Variants in CATSPERB observed in about 807,000 individuals in gnomAD.
The protein encoded by CATSPERB is cation channel sperm-associated auxiliary subunit beta.
CATSPERB carries 93 observed loss-of-function variants against 128.3 expected under a neutral mutation model. The observed-to-expected ratio is 0.72, with a 90% CI of 0.61 to 0.86. The LOEUF is 0.86. CATSPERB is among the 40% of genes least tolerant of loss of function. The pLI is 0.00. For synonymous variants in CATSPERB, 381 were observed against 448.8 expected, an observed-to-expected ratio of 0.85 and a Z score of 1.91; for missense variants, 1,153 against 1,329.5, an observed-to-expected ratio of 0.87 and a Z score of 2.06.
chr14:91,641,489 T>C (rs569736363), intron 15 of CATSPERB, among the ~76,000 whole-genome samples: 4 of 152,268 alleles, frequency 2.6e-5, no homozygotes, highest in Admixed American at 6.5e-5. Context: ...TGCTTGTTTT[T>C]CTCAGGTTTG....
intron 22 of CATSPERB, among the ~76,000 whole-genome samples, chr14:91,605,836 T>C (rs1363388018): frequency 6.6e-6 from 1 of 152,240 alleles, no homozygotes; most frequent in Non-Finnish European, 1.5e-5. Context: ...TCACTCATAC[T>C]CTGTTTTGTG....
At chr14:91,605,143 A>G in intron 22 of CATSPERB, 2 of 1,329,952 alleles carry the variant, frequency 1.5e-6, no homozygotes, top group Admixed American at 3.4e-5. Flanking sequence ...AAATAAGCAG[A>G]TCCACGGAGG....
intron 19 of CATSPERB, among the ~76,000 whole-genome samples, chr14:91,619,928 C>G (rs1414149044): frequency 6.7e-6 from 1 of 148,584 alleles, no homozygotes; most frequent in Non-Finnish European, 1.5e-5. Flanking sequence ...TAGAGACAGG[C>G]TCTTGCTATA....
intron 23 of CATSPERB, among the ~76,000 whole-genome samples, chr14:91,590,983 A>G (rs1044702088): frequency 6.6e-6 from 1 of 152,000 alleles, no homozygotes; most frequent in Non-Finnish European, 1.5e-5. Context: ...AGTCTGTGTA[A>G]TAACAGTTTC....
chr14:91,671,828 G>A (rs974244069), intron 13 of CATSPERB, among the ~76,000 whole-genome samples: 2 of 151,934 alleles, frequency 1.3e-5, no homozygotes, highest in African/African-American at 2.4e-5. Context: ...TCAGGAGATC[G>A]AGACCACGGT....
At chr14:91,675,278 G>A (rs1163089316) in intron 11 of CATSPERB, among the ~76,000 whole-genome samples, 2 of 152,208 alleles carry the variant, frequency 1.3e-5, no homozygotes, top group African/African-American at 4.8e-5. Context: ...CTGGGGCTCT[G>A]GGCATTTTCC....
chr14:91,710,414 T>C (rs1195421488), intron 5 of CATSPERB: 1 of 152,164 alleles, frequency 6.6e-6, no homozygotes. Flanking sequence ...CTGCATGCCG[T>C]ATATTTTTAA....
chr14:91,679,209 T>C (rs1895240789), intron 11 of CATSPERB, among the ~76,000 whole-genome samples: 1 of 152,188 alleles, frequency 6.6e-6, no homozygotes, highest in Non-Finnish European at 1.5e-5. Flanking sequence ...ATTTCATCTA[T>C]AAAATGTTAA....
At chr14:91,648,853 T>G (rs1894653196) in intron 15 of CATSPERB, among the ~76,000 whole-genome samples, 1 of 152,240 alleles carries the variant, frequency 6.6e-6, no homozygotes, top group Non-Finnish European at 1.5e-5. Context: ...CTGTCTTTAA[T>G]GGAGAAATGT....
chr14:91,712,623 C>T (rs528281536), intron 5 of CATSPERB, among the ~76,000 whole-genome samples: 3 of 152,194 alleles, frequency 2.0e-5, no homozygotes, highest in Admixed American at 1.3e-4. Context: ...GTATGATTAT[C>T]GTATACTTAA....
chr14:91,619,258 T>C (rs1160596970), intron 19 of CATSPERB, among the ~76,000 whole-genome samples: 1 of 152,094 alleles, frequency 6.6e-6, no homozygotes, highest in East Asian at 1.9e-4. Context: ...TAAATAATAT[T>C]GGAACAACTA....
chr14:91,683,632 G>A (rs768648185), intron 11 of CATSPERB, among the ~76,000 whole-genome samples: 10 of 152,192 alleles, frequency 6.6e-5, no homozygotes, highest in Non-Finnish European at 5.9e-5. Context: ...CCTGGCCATC[G>A]TGAAGATGAC....
chr14:91,636,210 A>G, intron 17 of CATSPERB: 1 of 477,926 alleles, frequency 2.1e-6, no homozygotes, highest in Non-Finnish European at 3.7e-6. Context: ...AAAAAATACA[A>G]AACTTAGCCG....
chr14:91,646,749 G>A (rs1345597576), intron 15 of CATSPERB, among the ~76,000 whole-genome samples: 1 of 152,154 alleles, frequency 6.6e-6, no homozygotes, highest in Non-Finnish European at 1.5e-5. Context: ...TGCCTGTCTA[G>A]ACTAATTCAG....
intron 5 of CATSPERB, among the ~76,000 whole-genome samples, chr14:91,716,712 TACACACACACACACACAC>T (rs34934524): frequency 2.2e-5 from 3 of 137,540 alleles, no homozygotes; most frequent in Admixed American, 7.2e-5. Context: ...TTTACAAGCA[TACACACACACACACACAC>T]ACACACACAC....
chr14:91,680,348 A>G (rs1895259217), intron 11 of CATSPERB, among the ~76,000 whole-genome samples: 2 of 152,326 alleles, frequency 1.3e-5, no homozygotes, highest in South Asian at 4.1e-4. Context: ...GTTTTGAGGC[A>G]TAAACTTAGT....
At chr14:91,654,458 G>A (rs1743108) in intron 15 of CATSPERB, among the ~76,000 whole-genome samples, 30,920 of 152,124 alleles carry the variant, frequency 0.2, 3,359 homozygotes, top group African/African-American at 0.25. Flanking sequence ...GAATAGTGGC[G>A]GTAGCCAGGG....
At chr14:91,628,141 G>GT (rs1022809014) in intron 17 of CATSPERB, among the ~76,000 whole-genome samples, 13 of 151,892 alleles carry the variant, frequency 8.6e-5, no homozygotes, top group African/African-American at 2.2e-4. Context: ...CATATTCTTT[G>GT]TTTTTTTGTT....
Position 91,708,160 on chromosome 14 carries a change from A to C in CATSPERB, c.447T>G (p.Thr149=). 6.2e-7 allele frequency: 1 copy of C among 1,608,652 alleles called. No homozygotes were observed. The highest frequency in any genetic ancestry group is 8.5e-7 in the Non-Finnish European group (1 of 1,175,890). Residue 149 remains threonine, a synonymous_variant, in exon 6 of 27, where the codon ACT becomes ACG. Transcript: ENST00000256343. Reference sequence around the variant, plus strand: ...ATTTACCTCGAATAACATCCAATAGAGTTCCTTCAGTAGCATAAATATTTA... The same window carrying C: ...ATTTACCTCGAATAACATCCAATAGCGTTCCTTCAGTAGCATAAATATTTA... ...HGLNIYATEG[T]LLDVIREPIL...
Sources: gnomAD v4.1 joint callset for allele counts (sites outside exome capture counted in the v4.1 genomes callset) on GRCh38, gnomAD v4.1.1 for gene constraint, MANE v1.5 for transcripts, NCBI Gene and HGNC (gene_info 2026-07-23, HGNC 2026-07-21) for gene names.